TXN: variants seen among roughly 807,000 people sequenced by gnomAD.
TXN encodes thioredoxin.
A neutral mutation model predicts 16.5 loss-of-function variants in TXN; 10 were observed. The observed-to-expected ratio is 0.61, with a 90% CI of 0.37 to 1.03. TXN has a LOEUF of 1.03. Ranked by LOEUF, TXN falls within the 50% of genes least tolerant of loss-of-function variation. The probability of loss-of-function intolerance (pLI) is 0.01; values close to 1 mark genes in which losing one functional copy is unlikely to be tolerated. For synonymous variants in TXN, 35 were observed against 39.4 expected, an observed-to-expected ratio of 0.89 and a Z score of 0.42; for missense variants, 71 against 122.5, an observed-to-expected ratio of 0.58 and a Z score of 1.98.
At chr9:110,246,346 T>C (rs1837660440) in intron 3 of TXN, among the ~76,000 whole-genome samples, 1 of 152,144 alleles carries the variant, frequency 6.6e-6, no homozygotes, top group Non-Finnish European at 1.5e-5. Context: ...GTAATTGAAG[T>C]AACACACATT....
At chr9:110,245,654 A>ATATTTT (rs1232332404) in intron 3 of TXN, among the ~76,000 whole-genome samples, 26 of 21,776 alleles carry the variant, frequency 1.2e-3, no homozygotes, top group African/African-American at 4.9e-3. Flanking sequence ...ATATATATAT[A>ATATTTT]TTTTTTTTTT....
intron 1 of TXN, among the ~76,000 whole-genome samples, chr9:110,252,223 C>CAAAAAAGAAAAAAAAAAAAAAAAAA (rs1554695822): frequency 1.7e-5 from 1 of 58,424 alleles, no homozygotes; most frequent in Non-Finnish European, 2.9e-5. Flanking sequence ...GACTCTGTCG[C>CAAAAAAGAAAAAAAAAAAAAAAAAA]AAAAAAAAAA....
intron 1 of TXN, among the ~76,000 whole-genome samples, chr9:110,253,405 T>C (rs1489273138): frequency 6.6e-6 from 1 of 152,218 alleles, no homozygotes; most frequent in Non-Finnish European, 1.5e-5. Context: ...TCATCACTTA[T>C]TGTTCCAGAT....
chr9:110,252,782 T>A (rs1189464713), intron 1 of TXN, among the ~76,000 whole-genome samples: 2 of 152,070 alleles, frequency 1.3e-5, no homozygotes, highest in Non-Finnish European at 2.9e-5. Flanking sequence ...GTAGCTGGGA[T>A]TACAAGCCTC....
Position 110,256,478 on chromosome 9 carries a change from A to C in TXN, c.-43T>G. ...GACGAGCGGCTGTAAGGACCGATGG[A>C]AATGGATCCAAAGCACCAAACAGAG... On this transcript the variant is annotated 5_prime_UTR_variant, in exon 1 of 5. Coordinates refer to ENST00000374517, the MANE Select transcript of TXN (RefSeq NM_003329.4). The surrounding 1 kb of genome is among the most constrained non-coding windows in gnomAD (Gnocchi z 4.2). 6.3e-7 allele frequency: 1 copy of C among 1,589,518 alleles called. No individual in the cohort carries two copies. Among genetic ancestry groups the C allele is most frequent in the Non-Finnish European group, 8.6e-7 (1 of 1,166,602 alleles).
chr9:110,248,009 G>A (rs1837679979), intron 3 of TXN, among the ~76,000 whole-genome samples: 1 of 152,014 alleles, frequency 6.6e-6, no homozygotes. Context: ...ATCTTAGTTT[G>A]TAACAAAAAG....
chr9:110,244,664 G>T, intron 4 of TXN, 114 bp downstream of exon 4: 1 of 909,210 alleles, frequency 1.1e-6, no homozygotes, highest in African/African-American at 1.7e-5. Flanking sequence ...ATTCTTAAAA[G>T]CAGAACTTGG....
intron 1 of TXN, among the ~76,000 whole-genome samples, chr9:110,255,182 C>T (rs886433936): frequency 7.7e-4 from 117 of 152,342 alleles, no homozygotes; most frequent in African/African-American, 2.6e-3. Context: ...CAGGTCAGGG[C>T]ACCCGAGGCG....
At chr9:110,247,498 T>G (rs1837674700) in intron 3 of TXN, among the ~76,000 whole-genome samples, 1 of 152,160 alleles carries the variant, frequency 6.6e-6, no homozygotes, top group South Asian at 2.1e-4. Flanking sequence ...AAGATTATAA[T>G]GAAGTTGAAA....
Position 110,251,850 on chromosome 9 carries a change from T to TA in TXN, c.25-389dup, listed in dbSNP as rs572336731. On this transcript the variant is annotated intron_variant, in intron 1 of 4. Coordinates refer to ENST00000374517, the MANE Select transcript of TXN (RefSeq NM_003329.4). ...GGCTAGGTATATGGTAGACATTCAT[T>TA]AAACACTTATGGATTATGAAAGGGG... 1.6e-4 allele frequency among the ~76,000 whole-genome samples: 25 copies of TA among 152,308 alleles called. No homozygotes were observed. The South Asian group carries it at 5.2e-3, about 32-fold the overall frequency.
In TXN at chr9:110,251,856, CTT is replaced by C. The variant is rs773731162; in HGVS notation, c.25-396_25-395del. On this transcript the variant is annotated intron_variant, in intron 1 of 4. Transcript: ENST00000374517. ...GTATATGGTAGACATTCATTAAACA[CTT>C]ATGGATTATGAAAGGGGTCACTTGA... is the stretch of plus-strand genomic sequence containing the variant. Among the ~76,000 whole-genome samples, 19 of 152,196 alleles carry C rather than the reference CTT, an allele frequency of 1.2e-4. No individual in the cohort carries two copies. In the East Asian group the frequency reaches 3.7e-3, roughly 29 times the overall value.
In TXN at chr9:110,244,065, G is replaced by T; in HGVS notation, c.*92C>A. ...TTTTATTGTCACGCAGATGGCAACTGGGTTTATGTCTTCATATTTTATATT... is the reference window on the plus strand; with the variant it reads ...TTTTATTGTCACGCAGATGGCAACTTGGTTTATGTCTTCATATTTTATATT... On this transcript the variant is annotated 3_prime_UTR_variant, in exon 5 of 5. Transcript: ENST00000374517. 2 of 634,066 alleles carry T rather than the reference G, an allele frequency of 3.2e-6. No individual in the cohort carries two copies. The highest frequency in any genetic ancestry group is 3.9e-5 in the South Asian group (1 of 25,876). The allele number at this position is 634,066 out of a possible 1,614,324, so 39.3% of individuals were successfully genotyped here. A position where few individuals can be genotyped will look rare whatever the true frequency, so the allele number is the denominator to read the frequency against.
Position 110,251,476 on chromosome 9 carries a change from A to G in TXN, c.25-14T>C. The G allele has an allele frequency of 6.6e-7, 1 of 1,506,350 alleles. No homozygotes were observed. The highest frequency in any genetic ancestry group is 1.4e-5 in the African/African-American group (1 of 72,446). The allele number at this position is 1,506,350 out of a possible 1,614,324, so 93.3% of individuals were successfully genotyped here. On this transcript the variant is annotated splice_polypyrimidine_tract_variant and intron_variant, in intron 1 of 4. Coordinates refer to ENST00000374517, the MANE Select transcript of TXN (RefSeq NM_003329.4). The stretch of plus-strand genomic sequence containing the variant: ...CTGAAAAGCAGTCTAACAGCAAAAG[A>G]AAAGCTTATATTAAATAAATAGTTA...
intron 1 of TXN, among the ~76,000 whole-genome samples, chr9:110,255,554 A>G (rs959563384): frequency 2.0e-5 from 3 of 152,202 alleles, no homozygotes; most frequent in African/African-American, 7.2e-5. Context: ...CCACCGACTG[A>G]GGGTGAATCA....
intron 3 of TXN, among the ~76,000 whole-genome samples, chr9:110,248,142 A>G (rs1287013017): frequency 6.6e-6 from 1 of 152,124 alleles, no homozygotes; most frequent in African/African-American, 2.4e-5. Context: ...GAGTTAAAAA[A>G]ATAAAAAAAC....
intron 3 of TXN, among the ~76,000 whole-genome samples, chr9:110,246,122 C>T (rs1837656582): frequency 6.6e-6 from 1 of 152,110 alleles, no homozygotes; most frequent in Admixed American, 6.6e-5. Flanking sequence ...TCAGAATTAC[C>T]TGAGGGGTAC....
In TXN at chr9:110,252,223, C is replaced by CAAAAAAGAAAAAAAAAAAA. The variant is rs1554695822; in HGVS notation, c.25-762_25-761insTTTTTTTTTTTTCTTTTTT. On this transcript the variant is annotated intron_variant, in intron 1 of 4. Coordinates refer to ENST00000374517, the MANE Select transcript of TXN (RefSeq NM_003329.4). Reference sequence around the variant, plus strand: ...TGGGCAATAGACGGAGACTCTGTCGCAAAAAAAAAAAAAAAAAAAAAAGCT... The same window carrying CAAAAAAGAAAAAAAAAAAA: ...TGGGCAATAGACGGAGACTCTGTCGCAAAAAAGAAAAAAAAAAAAAAAAAAAAAAAAAAAAAAAAAAGCT... 1.9e-4 allele frequency among the ~76,000 whole-genome samples: 11 copies of CAAAAAAGAAAAAAAAAAAA among 58,382 alleles called. 1 individual carries two copies. In the East Asian group the frequency reaches 2.6e-3, roughly 14 times the overall value. The allele number at this position is 58,382 out of a possible 152,430, so 38.3% of individuals were successfully genotyped here. A position where few individuals can be genotyped will look rare whatever the true frequency, so the allele number is the denominator to read the frequency against.
chr9:110,246,386 CTT>C (rs758206320), intron 3 of TXN, among the ~76,000 whole-genome samples: 9 of 152,154 alleles, frequency 5.9e-5, no homozygotes, highest in African/African-American at 1.4e-4. Flanking sequence ...AATGAGAACT[CTT>C]ATAATACCCC....
chr9:110,245,817 T>C (rs1401607718), intron 3 of TXN, among the ~76,000 whole-genome samples: 2 of 151,076 alleles, frequency 1.3e-5, no homozygotes, highest in South Asian at 2.1e-4. Context: ...AATTAAAAAC[T>C]GATTTGTGAG....
Sources: gnomAD v4.1 joint callset for allele counts (sites outside exome capture counted in the v4.1 genomes callset) on GRCh38, gnomAD v4.1.1 for gene constraint, Gnocchi (gnomAD v3.1) non-coding constraint, MANE v1.5 for transcripts, NCBI Gene and HGNC (gene_info 2026-07-23, HGNC 2026-07-21) for gene names.